CSMD1: variants seen among roughly 807,000 people sequenced by gnomAD.
The protein encoded by CSMD1 is CUB and Sushi multiple domains 1, also known as CUB and sushi domain-containing protein 1.
CSMD1 carries 213 observed loss-of-function variants against 417.5 expected under a neutral mutation model. The observed-to-expected ratio is 0.51, with a 90% CI of 0.46 to 0.57. CSMD1 has a LOEUF of 0.57. Among genes scored for constraint, CSMD1 ranks in the 20% least tolerant of loss-of-function variants. The pLI is 0.00. For missense variants in CSMD1, 6,923 were observed against 4,529.7 expected, an observed-to-expected ratio of 1.53 and a Z score of -15.17; for synonymous variants, 2,862 against 1,736.8, an observed-to-expected ratio of 1.65 and a Z score of -16.11.
intron 3 of CSMD1, among the ~76,000 whole-genome samples, chr8:4,219,013 G>A (rs1201428286): frequency 6.6e-6 from 1 of 152,080 alleles, no homozygotes; most frequent in South Asian, 2.1e-4. Flanking sequence ...TTATCCTCAA[G>A]TCACACTTTG....
chr8:3,675,345 C>A (rs1354431410), intron 7 of CSMD1, among the ~76,000 whole-genome samples: 1 of 152,178 alleles, frequency 6.6e-6, no homozygotes, highest in Non-Finnish European at 1.5e-5. Context: ...CATTGCTATC[C>A]ATGTAGCCTC....
intron 5 of CSMD1, among the ~76,000 whole-genome samples, chr8:3,876,786 AT>A (rs1324933102): frequency 2.0e-5 from 3 of 152,064 alleles, no homozygotes; most frequent in African/African-American, 7.2e-5. Context: ...GTTTTTAAAA[AT>A]TTTTTGTAGA....
At chr8:4,211,183 A>G (rs1481802584) in intron 3 of CSMD1, among the ~76,000 whole-genome samples, 1 of 150,738 alleles carries the variant, frequency 6.6e-6, no homozygotes, top group Non-Finnish European at 1.5e-5. Flanking sequence ...TTGTACATGT[A>G]TTTCAGGGAA....
intron 1 of CSMD1, among the ~76,000 whole-genome samples, chr8:4,693,964 A>C (rs1413728448): frequency 1.3e-5 from 2 of 152,194 alleles, no homozygotes; most frequent in African/African-American, 2.4e-5. Flanking sequence ...ACATACTTCA[A>C]ATTCAGGGAG....
chr8:4,729,936 T>C (rs1809733985), intron 1 of CSMD1, among the ~76,000 whole-genome samples: 1 of 152,214 alleles, frequency 6.6e-6, no homozygotes, highest in Non-Finnish European at 1.5e-5. Flanking sequence ...TTCCATGGAA[T>C]GACTTGTGCG....
intron 37 of CSMD1, among the ~76,000 whole-genome samples, chr8:3,178,650 A>C (rs1821091177): frequency 6.6e-6 from 1 of 152,180 alleles, no homozygotes; most frequent in Non-Finnish European, 1.5e-5. Context: ...GCAGACTTCA[A>C]AAATATAGGG....
intron 54 of CSMD1, among the ~76,000 whole-genome samples, chr8:2,981,392 G>A (rs1333347815): frequency 2.6e-5 from 4 of 152,184 alleles, no homozygotes; most frequent in Non-Finnish European, 5.9e-5. Flanking sequence ...TGAAGTTCAT[G>A]GTGCGGAGAT....
chr8:3,818,325 G>C (rs558205669), intron 5 of CSMD1, among the ~76,000 whole-genome samples: 192 of 152,246 alleles, frequency 1.3e-3, no homozygotes, highest in African/African-American at 4.4e-3. Context: ...ATGTTCCAAA[G>C]AAACTCCCTC....
chr8:4,184,389 T>C (rs1203573885), intron 3 of CSMD1, among the ~76,000 whole-genome samples: 1 of 152,184 alleles, frequency 6.6e-6, no homozygotes, highest in East Asian at 1.9e-4. Context: ...CTATTTCCAA[T>C]TCTAATAATC....
intron 8 of CSMD1, 56 bp from the exon 9 acceptor site, chr8:3,586,316 AGG>A: frequency 6.9e-7 from 1 of 1,449,654 alleles, no homozygotes; most frequent in Non-Finnish European, 9.1e-7. Flanking sequence ...AGACTTCTTT[AGG>A]AAAAAAAAAA....
At chr8:4,896,862 G>A (rs1293360996) in intron 1 of CSMD1, among the ~76,000 whole-genome samples, 2 of 151,948 alleles carry the variant, frequency 1.3e-5, no homozygotes, top group Admixed American at 6.6e-5. Flanking sequence ...AGCAGCTGCC[G>A]GGAACACTGT....
chr8:3,870,888 C>T (rs370106944), intron 5 of CSMD1, among the ~76,000 whole-genome samples: 8 of 151,968 alleles, frequency 5.3e-5, no homozygotes, highest in South Asian at 2.1e-4. Context: ...TTTAATGTTC[C>T]GTTTGCTAGC....
intron 10 of CSMD1, among the ~76,000 whole-genome samples, chr8:3,497,807 T>C (rs1033294356): frequency 5.3e-5 from 8 of 152,214 alleles, no homozygotes; most frequent in African/African-American, 1.9e-4. Context: ...TCTCATTCTC[T>C]TCTTGGTTAT....
chr8:3,751,138 A>G (rs1323815627), intron 6 of CSMD1, among the ~76,000 whole-genome samples: 1 of 152,110 alleles, frequency 6.6e-6, no homozygotes, highest in Non-Finnish European at 1.5e-5. Flanking sequence ...ACTTCCTTGT[A>G]CCGTGTTGTC....
intron 11 of CSMD1, among the ~76,000 whole-genome samples, chr8:3,491,146 CG>C (rs1229105217): frequency 6.6e-6 from 1 of 152,014 alleles, no homozygotes; most frequent in African/African-American, 2.4e-5. Flanking sequence ...GCGGTGAGAG[CG>C]TGAGTGTCAG....
At chr8:4,614,110 G>A (rs866349761) in intron 2 of CSMD1, among the ~76,000 whole-genome samples, 3 of 152,052 alleles carry the variant, frequency 2.0e-5, no homozygotes, top group African/African-American at 7.3e-5. Flanking sequence ...AGAACGGACA[G>A]AGATGCAATA....
At chr8:3,813,228 G>T (rs1024076549) in intron 5 of CSMD1, among the ~76,000 whole-genome samples, 5 of 151,720 alleles carry the variant, frequency 3.3e-5, no homozygotes, top group Non-Finnish European at 5.9e-5. Context: ...AAAAGAGGGT[G>T]AAATTGTCCT....
chr8:3,935,284 T>G (rs1584993969), intron 5 of CSMD1, among the ~76,000 whole-genome samples: 2 of 152,228 alleles, frequency 1.3e-5, no homozygotes, highest in East Asian at 1.9e-4. Context: ...ATAGATACTG[T>G]ATTTGATACA....
chr8:2,983,538 T>C (rs1251857284), intron 54 of CSMD1, among the ~76,000 whole-genome samples: 1 of 152,162 alleles, frequency 6.6e-6, no homozygotes, highest in East Asian at 1.9e-4. Context: ...ATGTATTACT[T>C]AACGATAATT....
Sources: gnomAD v4.1 joint callset for allele counts (sites outside exome capture counted in the v4.1 genomes callset) on GRCh38, gnomAD v4.1.1 for gene constraint, MANE v1.5 for transcripts, NCBI Gene and HGNC (gene_info 2026-07-23, HGNC 2026-07-21) for gene names.